Variants in EP400 observed in about 807,000 individuals in gnomAD.
The protein encoded by EP400 is E1A binding protein p400, also known as E1A-binding protein p400.
A neutral mutation model predicts 354.1 loss-of-function variants in EP400; 105 were observed. That is an observed-to-expected ratio of 0.30 (90% CI 0.25 to 0.35). The LOEUF (loss-of-function observed/expected upper bound fraction) is 0.35. EP400 is among the 10% of genes least tolerant of loss of function. EP400 has a pLI of 1.00. For synonymous variants in EP400, 1,646 were observed against 1,716.9 expected (o/e 0.96, Z 1.02); for missense variants, 3,280 against 4,121.0 (o/e 0.80, Z 5.59).
In EP400 at chr12:132,000,097, A is replaced by C. The variant is rs1466596224; in HGVS notation, c.2828-4980A>C. 2.6e-5 allele frequency among the ~76,000 whole-genome samples: 4 copies of C among 151,674 alleles called. No homozygotes were observed. In the East Asian group the frequency reaches 7.8e-4, roughly 29 times the overall value. On this transcript the variant is annotated intron_variant, in intron 12 of 52. Coordinates refer to ENST00000389561, the MANE Select transcript of EP400 (RefSeq NM_015409.5). ...TTTTAACTTGGATGACTAGCTTCCT[A>C]ATTTTCATCAGCTCATTAATATAAA...
intron 19 of EP400, among the ~76,000 whole-genome samples, chr12:132,016,225 C>T (rs1893927302): frequency 6.6e-6 from 1 of 152,232 alleles, no homozygotes; most frequent in South Asian, 2.1e-4. Flanking sequence ...CAGGAGCTCT[C>T]CTGATGCTTG....
chr12:132,058,648 C>T (rs930305345), intron 45 of EP400, among the ~76,000 whole-genome samples: 1 of 152,136 alleles, frequency 6.6e-6, no homozygotes, highest in African/African-American at 2.4e-5. Flanking sequence ...CCGCGCCCAG[C>T]CTAGACTATG....
In EP400 at chr12:132,077,773, G is replaced by A; in HGVS notation, c.*100G>A. On this transcript the variant is annotated 3_prime_UTR_variant, in exon 53 of 53. Transcript: ENST00000389561. ...GGGACCATGTCACGCAAGAGATTCA[G>A]CACTGGGAAAGATATAATTGAAACA... 7.4e-7 allele frequency: 1 copy of A among 1,343,794 alleles called. No individual in the cohort carries two copies. The highest frequency in any genetic ancestry group is 2.7e-5 in the Admixed American group (1 of 36,576). 83.2% of individuals were successfully genotyped at this position (1,343,794 alleles called of 1,614,324 possible). A position where few individuals can be genotyped will look rare whatever the true frequency, so the allele number is the denominator to read the frequency against.
In EP400 at chr12:132,020,053, T is replaced by C; in HGVS notation, c.4282T>C (p.Phe1428Leu). 1.3e-6 allele frequency: 2 copies of C among 1,549,818 alleles called. No homozygotes were observed. Among genetic ancestry groups the C allele is most frequent in the East Asian group, 2.4e-5 (1 of 41,664 alleles). The change falls in exon 22 of 53, where the codon TTT becomes CTT. Residue 1428 changes from phenylalanine to leucine, a missense_variant. By Grantham distance (22) the Phe-to-Leu change is conservative. This residue lies in a region of EP400 where 342 missense variants were observed against 342.7 expected (regional missense o/e 1.00). Coordinates refer to ENST00000389561, the MANE Select transcript of EP400 (RefSeq NM_015409.5). ...CCTGGACCAATGGGCATCTAGGTTG[T>C]TTCAGCCTGTGCAGTATGGCCAGAA... The part of the protein sequence containing the change: ...AAAKLKASRL[F>L]QPVQYGQKPE...
In EP400 at chr12:132,045,487, T is replaced by A. The variant is rs1279331506; in HGVS notation, c.6953T>A (p.Phe2318Tyr). 1 of 1,614,192 alleles carries A rather than the reference T, an allele frequency of 6.2e-7. No individual in the cohort carries two copies. The highest frequency in any genetic ancestry group is 1.7e-5 in the Admixed American group (1 of 60,012). The part of the protein sequence containing the change: ...QVPFAKPLPT[F>Y]AKPTAEPGQD... ...CCATTCGCCAAGCCCCTGCCAACTT[T>A]TGCCAAACCCACAGCTGAGCCTGGT... Residue 2318 changes from phenylalanine (F) to tyrosine (Y), a missense_variant, in exon 38 of 53, where the codon TTT (phenylalanine) becomes TAT (tyrosine). Transcript: ENST00000389561.
At chr12:132,005,042 A>G (rs1893534360) in intron 12 of EP400, 35 bp from the exon 13 acceptor site, 6 of 1,488,656 alleles carry the variant, frequency 4.0e-6, no homozygotes, top group Non-Finnish European at 5.5e-6. Context: ...TTGTTGTTAT[A>G]AAGTAACAGC....
At chr12:132,041,213 A>G (rs1894894211) in intron 32 of EP400, among the ~76,000 whole-genome samples, 1 of 152,268 alleles carries the variant, frequency 6.6e-6, no homozygotes, top group Non-Finnish European at 1.5e-5. Context: ...TGTCATTGGC[A>G]ACGCTCATCA....
chr12:132,013,607 G>A lies in EP400; in HGVS notation c.3729G>A (p.Arg1243=). 1.2e-6 allele frequency: 2 copies of A among 1,613,900 alleles called. No homozygotes were observed. Among genetic ancestry groups the A allele is most frequent in the Non-Finnish European group, 1.7e-6 (2 of 1,179,910 alleles). The change falls in exon 18 of 53, where the codon AGG becomes AGA. Residue 1243 remains arginine (R), a synonymous_variant. Transcript: ENST00000389561. The surrounding 1 kb of genome is among the most constrained non-coding windows in gnomAD (Gnocchi z 4.5). The part of the protein sequence containing the change: ...ISRPYLSSPL[R]APSEESQDYY... ...GGCCCTACCTGAGCTCCCCTCTGAG[G>A]GCCCCCAGTGAAGAGAGCCAGGATT... is the stretch of plus-strand genomic sequence containing the variant.
Position 131,960,707 on chromosome 12 carries a change from G to GACCCCCCCCCCCCCCCC in EP400, c.88_89insACCCCCCCCCCCCCCCC (p.Ala30AspfsTer38). ...TGGCAGCGAGGGTGAGGAGCAGCCG[G>GACCCCCCCCCCCCCCCC]CCCACCCCAACCCACCCCCGTCCCC... On this transcript the variant is annotated frameshift_variant, in exon 2 of 53. Transcript: ENST00000389561. LOFTEE classifies it high-confidence loss of function. The GACCCCCCCCCCCCCCCC allele has an allele frequency of 6.5e-7, 1 of 1,545,590 alleles. No individual in the cohort carries two copies.
intron 51 of EP400, among the ~76,000 whole-genome samples, chr12:132,071,645 C>T (rs1896071174): frequency 6.6e-6 from 1 of 152,112 alleles, no homozygotes; most frequent in South Asian, 2.1e-4. Flanking sequence ...GCCATCCGTC[C>T]CCCAGGAATA....
chr12:132,007,849 G>A (rs1893634358), intron 15 of EP400, among the ~76,000 whole-genome samples: 1 of 152,346 alleles, frequency 6.6e-6, no homozygotes. Flanking sequence ...TGAAGGCTGT[G>A]TGGAAAGAAA....
intron 12 of EP400, among the ~76,000 whole-genome samples, chr12:131,998,031 A>G (rs1009440300): frequency 6.6e-6 from 1 of 152,214 alleles, no homozygotes; most frequent in Non-Finnish European, 1.5e-5. Context: ...TTGGAAAGCC[A>G]TATTGAAAAG....
At chr12:132,021,458 A>G (rs1894120729) in intron 23 of EP400, 137 bp downstream of exon 23, 2 of 1,269,876 alleles carry the variant, frequency 1.6e-6, no homozygotes, top group East Asian at 2.8e-5. Context: ...GCTGCCTCTC[A>G]CCAGTGCAGC....
chr12:131,991,806 C>CA (rs1893045016), intron 10 of EP400, among the ~76,000 whole-genome samples: 1 of 151,940 alleles, frequency 6.6e-6, no homozygotes, highest in Admixed American at 6.6e-5. Context: ...AGGCTGGTCT[C>CA]AAACTCCTGA....
At chr12:132,016,971 C>T (rs146943230) in intron 19 of EP400, among the ~76,000 whole-genome samples, 23 of 152,332 alleles carry the variant, frequency 1.5e-4, no homozygotes, top group African/African-American at 4.8e-4. Flanking sequence ...TCCCTCAGGC[C>T]GCCTGGTGCA....
In EP400 at chr12:131,961,541, G is replaced by A. The variant is rs1172065003; in HGVS notation, c.922G>A (p.Ala308Thr). 1.2e-5 allele frequency: 19 copies of A among 1,564,502 alleles called. No individual in the cohort carries two copies. The highest frequency in any genetic ancestry group is 2.2e-4 in the Middle Eastern group (1 of 4,536). Residue 308 changes from alanine to threonine, a missense_variant, in exon 2 of 53, where the codon GCA becomes ACA. Transcript: ENST00000389561. Reference sequence around the variant, plus strand: ...CGTGCTGCTCCCCGGGGCTGGGGGCGCAGCGGGGTTTGGGATGACGTCCCC... The same window carrying A: ...CGTGCTGCTCCCCGGGGCTGGGGGCACAGCGGGGTTTGGGATGACGTCCCC... ...PGVLLPGAGG[A>T]AGFGMTSPPP...
chr12:132,060,932 AAAAACAAAAC>A, intron 45 of EP400, among the ~76,000 whole-genome samples: 1 of 151,910 alleles, frequency 6.6e-6, no homozygotes, highest in Non-Finnish European at 1.5e-5. Context: ...AAAAAAAACA[AAAAACAAAAC>A]AAAACAAAAA....
chr12:131,951,428 C>T (rs1271884515), intron 1 of EP400, among the ~76,000 whole-genome samples: 1 of 152,138 alleles, frequency 6.6e-6, no homozygotes, highest in Non-Finnish European at 1.5e-5. Flanking sequence ...AACAATCCTA[C>T]CGCCTTGGCC....
Position 132,025,824 on chromosome 12 carries a change from A to T in EP400, c.5014+20A>T, listed in dbSNP as rs1224363214. The T allele has an allele frequency of 6.4e-7, 1 of 1,561,038 alleles. No homozygotes were observed. The highest frequency in any genetic ancestry group is 8.6e-7 in the Non-Finnish European group (1 of 1,156,402). The stretch of plus-strand genomic sequence containing the variant: ...CACAAGGTAGGGTGCTCTGAGCAGG[A>T]GGGAGACTTGGCTTGGATGCTTCTT... On this transcript the variant is annotated intron_variant, in intron 25 of 52. Coordinates refer to ENST00000389561, the MANE Select transcript of EP400 (RefSeq NM_015409.5). This position sits in a 1 kb window ranked among gnomAD's most constrained non-coding sequence, Gnocchi z 4.1.
Sources: allele counts gnomAD v4.1 joint callset (sites outside exome capture counted in the v4.1 genomes callset), GRCh38; gene constraint gnomAD v4.1.1; regional missense constraint gnomAD v4.1.1; non-coding constraint Gnocchi (gnomAD v3.1); transcripts MANE v1.5; gene names NCBI Gene and HGNC (gene_info 2026-07-23, HGNC 2026-07-21).